CDH8: variants seen among roughly 807,000 people sequenced by gnomAD.
CDH8 encodes the protein cadherin 8, also known as cadherin-8.
CDH8 carries 17 observed loss-of-function variants against 68.1 expected under a neutral mutation model. That is an observed-to-expected ratio of 0.25 (90% confidence interval 0.17 to 0.37). The LOEUF is 0.37. Ranked by LOEUF, CDH8 falls within the 10% of genes least tolerant of loss-of-function variation. The probability of loss-of-function intolerance (pLI) is 1.00; values close to 1 mark genes in which losing one functional copy is unlikely to be tolerated. For missense variants in CDH8, 763 were observed against 999.3 expected (o/e 0.76, Z 3.19); for synonymous variants, 372 against 365.1 (o/e 1.02, Z -0.21).
intron 9 of CDH8, among the ~76,000 whole-genome samples, chr16:61,718,602 C>G (rs914809001): frequency 6.6e-6 from 1 of 151,216 alleles, no homozygotes; most frequent in African/African-American, 2.4e-5. Context: ...ATTATCTCCA[C>G]TTTATTTCTG....
chr16:61,967,991 G>C (rs1055558175), intron 2 of CDH8, among the ~76,000 whole-genome samples: 2 of 152,206 alleles, frequency 1.3e-5, no homozygotes, highest in Admixed American at 1.3e-4. Flanking sequence ...TGTATTTTTA[G>C]TGGAGACAGG....
chr16:62,001,547 TG>T (rs1337080688), intron 2 of CDH8, among the ~76,000 whole-genome samples: 1 of 152,116 alleles, frequency 6.6e-6, no homozygotes, highest in East Asian at 1.9e-4. Flanking sequence ...AGGCTTAACT[TG>T]TCAGTGATAA....
At chr16:61,985,712 C>T (rs776136931) in intron 2 of CDH8, among the ~76,000 whole-genome samples, 6 of 151,936 alleles carry the variant, frequency 3.9e-5, no homozygotes, top group South Asian at 2.1e-4. Context: ...AGGCTGGTCT[C>T]GAACTCCTGA....
intron 4 of CDH8, among the ~76,000 whole-genome samples, chr16:61,835,899 G>A (rs1281698802): frequency 1.3e-5 from 2 of 151,928 alleles, no homozygotes; most frequent in East Asian, 1.9e-4. Context: ...TACCTACTAA[G>A]AAATGGAGCC....
intron 2 of CDH8, among the ~76,000 whole-genome samples, chr16:61,962,722 G>A (rs912817586): frequency 2.6e-5 from 4 of 152,146 alleles, no homozygotes; most frequent in African/African-American, 9.7e-5. Flanking sequence ...GTATAAAATT[G>A]TGTAAAATAT....
intron 8 of CDH8, among the ~76,000 whole-genome samples, chr16:61,761,745 G>C (rs1960475898): frequency 6.6e-6 from 1 of 152,122 alleles, no homozygotes; most frequent in Non-Finnish European, 1.5e-5. Flanking sequence ...GCTCATGTCT[G>C]TAATCCCAGG....
rs562298477 is a variant in CDH8, at chr16:61,836,658, C to G, written c.668-11479G>C. On this transcript the variant is annotated intron_variant, in intron 4 of 11. Coordinates refer to ENST00000577390, the MANE Select transcript of CDH8 (RefSeq NM_001796.5). ...GGGAGGGAGTGTCTTCATTTAATTA[C>G]GGTAGCTGTCACAATGACCATCGAA... 3.9e-5 allele frequency among the ~76,000 whole-genome samples: 6 copies of G among 151,988 alleles called. No individual in the cohort carries two copies. In the East Asian group the frequency reaches 1.2e-3, roughly 30 times the overall value.
intron 9 of CDH8, among the ~76,000 whole-genome samples, chr16:61,719,080 A>C (rs1959199194): frequency 6.6e-6 from 1 of 151,074 alleles, no homozygotes; most frequent in African/African-American, 2.4e-5. Context: ...TCCAGTTGCT[A>C]CCAAGATTTT....
intron 8 of CDH8, among the ~76,000 whole-genome samples, chr16:61,752,650 A>G (rs1960199058): frequency 6.6e-6 from 1 of 152,136 alleles, no homozygotes; most frequent in Non-Finnish European, 1.5e-5. Flanking sequence ...CCTGAATAGT[A>G]TTTTGTCTAT....
chr16:61,887,938 T>TG lies in CDH8; in HGVS notation c.547+13240dup, dbSNP rs558897374. ...GAAACTAAGTAAACTGTATCTGCTG[T>TG]GGCTTCATTCTCTATCAATTAAGCT... On this transcript the variant is annotated intron_variant, in intron 3 of 11. Coordinates refer to ENST00000577390, the MANE Select transcript of CDH8 (RefSeq NM_001796.5). Among the ~76,000 whole-genome samples, 93 of 152,320 alleles carry TG rather than the reference T, an allele frequency of 6.1e-4. 1 individual carries two copies. The highest frequency in any genetic ancestry group is 2.1e-3 in the African/African-American group (86 of 41,574).
rs61028306 is a variant in CDH8 at position 61,926,152 on chromosome 16, GGTGTGT to G, written c.253-24685_253-24680del. ...AAATGTTGATTTGGGACTCAGAAGG[GGTGTGT>G]GTGTGTGTGTGTGTGTGTGTGTGTG... On this transcript the variant is annotated intron_variant, in intron 2 of 11. Coordinates refer to ENST00000577390, the MANE Select transcript of CDH8 (RefSeq NM_001796.5). 6.6e-3 allele frequency among the ~76,000 whole-genome samples: 937 copies of G among 142,194 alleles called. 5 individuals are homozygous for G. Among genetic ancestry groups the G allele is most frequent in the African/African-American group, 0.012 (472 of 38,410 alleles). 93.3% of individuals were successfully genotyped at this position (142,194 alleles called of 152,430 possible). A position where few individuals can be genotyped will look rare whatever the true frequency, so the allele number is the denominator to read the frequency against.
At chr16:61,801,512 C>T (rs894266465) in intron 7 of CDH8, among the ~76,000 whole-genome samples, 4 of 152,094 alleles carry the variant, frequency 2.6e-5, no homozygotes, top group East Asian at 1.9e-4. Flanking sequence ...CCAGCGTGAG[C>T]GACGCAGAAG....
chr16:61,702,623 TACA>T (rs1225796204), intron 10 of CDH8, among the ~76,000 whole-genome samples: 1 of 152,240 alleles, frequency 6.6e-6, no homozygotes, highest in African/African-American at 2.4e-5. Flanking sequence ...TACTCAGTTT[TACA>T]ACAACTAATA....
intron 8 of CDH8, among the ~76,000 whole-genome samples, chr16:61,762,214 C>G (rs1480539013): frequency 6.6e-6 from 1 of 152,036 alleles, no homozygotes; most frequent in Non-Finnish European, 1.5e-5. Flanking sequence ...AACACATATA[C>G]TCGCAATGCA....
At chr16:61,798,472 T>C (rs1242590938) in intron 7 of CDH8, among the ~76,000 whole-genome samples, 1 of 152,222 alleles carries the variant, frequency 6.6e-6, no homozygotes, top group Non-Finnish European at 1.5e-5. Flanking sequence ...TATTTCACCC[T>C]AGCTATCTAG....
chr16:61,830,404 C>T (rs919369010), intron 4 of CDH8, among the ~76,000 whole-genome samples: 1 of 151,766 alleles, frequency 6.6e-6, no homozygotes, highest in African/African-American at 2.4e-5. Flanking sequence ...TGACTTAAAA[C>T]TTCAATAAAA....
intron 8 of CDH8, among the ~76,000 whole-genome samples, chr16:61,784,807 G>T (rs903574912): frequency 2.6e-5 from 4 of 151,814 alleles, no homozygotes; most frequent in African/African-American, 9.7e-5. Flanking sequence ...TCAACTACAT[G>T]GAAACTGAAC....
intron 3 of CDH8, among the ~76,000 whole-genome samples, chr16:61,866,975 T>C (rs1963267479): frequency 6.6e-6 from 1 of 152,138 alleles, no homozygotes; most frequent in African/African-American, 2.4e-5. Flanking sequence ...ACTTTTCTAG[T>C]TAAAAGCCAG....
chr16:61,905,711 G>A (rs115425032), intron 2 of CDH8, among the ~76,000 whole-genome samples: 180 of 152,116 alleles, frequency 1.2e-3, no homozygotes, highest in African/African-American at 3.5e-3. Context: ...GGGACTGTGA[G>A]AGCATACAGA....
Sources: allele counts gnomAD v4.1 joint callset (sites outside exome capture counted in the v4.1 genomes callset), GRCh38; gene constraint gnomAD v4.1.1; transcripts MANE v1.5; gene names NCBI Gene and HGNC (gene_info 2026-07-23, HGNC 2026-07-21).